CCDC7: variants seen among roughly 807,000 people sequenced by gnomAD.
The protein encoded by CCDC7 is coiled-coil domain containing 7.
CCDC7 carries 183 observed loss-of-function variants against 196.9 expected under a neutral mutation model. That is an observed-to-expected ratio of 0.93 (90% CI 0.82 to 1.05). The LOEUF (loss-of-function observed/expected upper bound fraction) is 1.05, where lower values mean the gene tolerates loss of function less well. Ranked by LOEUF, CCDC7 falls within the 50% of genes least tolerant of loss-of-function variation. The pLI, the probability that CCDC7 is intolerant of heterozygous loss-of-function variation, is 0.00. For synonymous variants in CCDC7, 525 were observed against 484.6 expected, an observed-to-expected ratio of 1.08 and a Z score of -1.10; for missense variants, 1,540 against 1,482.2, an observed-to-expected ratio of 1.04 and a Z score of -0.64.
intron 18 of CCDC7, among the ~76,000 whole-genome samples, chr10:32,601,729 T>G (rs2061033278): frequency 6.6e-6 from 1 of 151,316 alleles, no homozygotes; most frequent in South Asian, 2.1e-4. Flanking sequence ...AACTCACCAA[T>G]CAGCACTTTG....
At chr10:32,701,900 TTC>T (rs2078804226) in intron 24 of CCDC7, among the ~76,000 whole-genome samples, 1 of 152,190 alleles carries the variant, frequency 6.6e-6, no homozygotes, top group Non-Finnish European at 1.5e-5. Context: ...AATTTGATTC[TTC>T]TCTCTTTTCT....
chr10:32,644,549 G>C (rs1024246835), intron 20 of CCDC7, among the ~76,000 whole-genome samples: 1 of 152,162 alleles, frequency 6.6e-6, no homozygotes, highest in Non-Finnish European at 1.5e-5. Flanking sequence ...TATGGCTGGT[G>C]ATATGGTTTG....
chr10:32,680,481 G>A (rs960824321), intron 21 of CCDC7, among the ~76,000 whole-genome samples: 31 of 151,840 alleles, frequency 2.0e-4, no homozygotes, highest in Admixed American at 1.3e-3. Context: ...TGCACAACAT[G>A]CAAGTTTGTT....
chr10:32,606,700 A>G (rs543456355), intron 18 of CCDC7, among the ~76,000 whole-genome samples: 1 of 152,202 alleles, frequency 6.6e-6, no homozygotes, highest in African/African-American at 2.4e-5. Flanking sequence ...CTTTAGGCCA[A>G]CTTCTCCCTT....
intron 28 of CCDC7, among the ~76,000 whole-genome samples, chr10:32,758,975 A>G (rs1032048864): frequency 6.6e-6 from 1 of 152,232 alleles, no homozygotes; most frequent in Admixed American, 6.5e-5. Flanking sequence ...CCAAATCATG[A>G]GTGAACTCCC....
chr10:32,616,578 G>C (rs1050913817), intron 18 of CCDC7, among the ~76,000 whole-genome samples: 1 of 149,880 alleles, frequency 6.7e-6, no homozygotes, highest in African/African-American at 2.4e-5. Context: ...AAGTCTTTAG[G>C]GTTTTCTAGA....
intron 28 of CCDC7, among the ~76,000 whole-genome samples, chr10:32,746,493 G>T (rs892873165): frequency 9.9e-5 from 15 of 152,144 alleles, no homozygotes; most frequent in African/African-American, 3.6e-4. Context: ...ATCCCTCAAG[G>T]CTTGCCATGC....
At chr10:32,597,136 A>T (rs1250569834) in intron 18 of CCDC7, among the ~76,000 whole-genome samples, 1 of 151,966 alleles carries the variant, frequency 6.6e-6, no homozygotes, top group East Asian at 1.9e-4. Context: ...ACTTGGTTCC[A>T]TTCTCCCTGT....
At chr10:32,463,089 T>A (rs2036071877) in intron 5 of CCDC7, 40 bp downstream of exon 6, 2 of 1,607,988 alleles carry the variant, frequency 1.2e-6, no homozygotes, top group African/African-American at 1.3e-5. Flanking sequence ...TAATATTTTT[T>A]AACTCATTTG....
intron 13 of CCDC7, among the ~76,000 whole-genome samples, chr10:32,564,053 C>T (rs1304770232): frequency 6.6e-6 from 1 of 152,104 alleles, no homozygotes; most frequent in Non-Finnish European, 1.5e-5. Context: ...TGAAAAAATG[C>T]TCATCATCAC....
downstream of CCDC7, chr10:32,877,236 C>T (rs978985198): frequency 6.6e-6 from 1 of 151,908 alleles, no homozygotes; most frequent in African/African-American, 2.4e-5. Context: ...GTTAGAAAAA[C>T]TCATGAATTC....
intron 20 of CCDC7, among the ~76,000 whole-genome samples, chr10:32,646,558 A>C (rs2067805840): frequency 6.6e-6 from 1 of 152,178 alleles, no homozygotes; most frequent in Non-Finnish European, 1.5e-5. Flanking sequence ...ATGCAGTTTA[A>C]ATTAAGTGTA....
At chr10:32,657,322 C>A (rs922858871) in intron 20 of CCDC7, among the ~76,000 whole-genome samples, 12 of 152,248 alleles carry the variant, frequency 7.9e-5, no homozygotes, top group African/African-American at 2.7e-4. Context: ...ACTGCCCTAG[C>A]AGAGGTTCTC....
At position 32,787,245 on chromosome 10, in the gene CCDC7, G is replaced by A. The variant is rs555494435; in HGVS notation, c.3013+8161G>A. 1.2e-4 allele frequency among the ~76,000 whole-genome samples: 18 copies of A among 151,540 alleles called. 1 individual carries two copies. The South Asian group carries it at 2.7e-3, about 23-fold the overall frequency. Reference sequence around the variant, plus strand: ...TAGAATAAACTCAGAGATCCACACCGAGACACATTGTAATTCTGTCAAAAA... The same window carrying A: ...TAGAATAAACTCAGAGATCCACACCAAGACACATTGTAATTCTGTCAAAAA... On this transcript the variant is annotated intron_variant, in intron 29 of 41. Coordinates refer to ENST00000639629, the Ensembl canonical transcript of CCDC7.
chr10:32,826,723 A>G (rs552507757), intron 32 of CCDC7, among the ~76,000 whole-genome samples: 1 of 152,240 alleles, frequency 6.6e-6, no homozygotes, highest in Non-Finnish European at 1.5e-5. Context: ...TCTGCATGTT[A>G]TGCAGGCACC....
At chr10:32,479,028 A>G (rs1399675791) in intron 8 of CCDC7, among the ~76,000 whole-genome samples, 1 of 152,134 alleles carries the variant, frequency 6.6e-6, no homozygotes, top group Non-Finnish European at 1.5e-5. Flanking sequence ...GAGTTTTGGT[A>G]GATTGTGAGT....
rs180959774 is a variant in CCDC7 at position 32,683,352 on chromosome 10, G to A, written c.2123-2618G>A. Among the ~76,000 whole-genome samples, 5 of 152,226 alleles carry A rather than the reference G, an allele frequency of 3.3e-5. No individual in the cohort carries two copies. In the East Asian group the frequency reaches 5.8e-4, roughly 18 times the overall value. ...TCTCTAACCCATTTCCTTGGTCTAT[G>A]TGTATGTTTTTATACCACTACCATG... On this transcript the variant is annotated intron_variant, in intron 21 of 41. Coordinates refer to ENST00000639629, the Ensembl canonical transcript of CCDC7.
chr10:32,591,511 T>C (rs1198839146), intron 18 of CCDC7, among the ~76,000 whole-genome samples: 1 of 152,130 alleles, frequency 6.6e-6, no homozygotes, highest in East Asian at 1.9e-4. Flanking sequence ...TTTTTTTGTT[T>C]GTTTGTTTGT....
At position 32,452,666 on chromosome 10, in the gene CCDC7, C is replaced by T. The variant is rs141189609; in HGVS notation, c.280-678C>T. Among the ~76,000 whole-genome samples, 761 of 152,148 alleles carry T rather than the reference C, an allele frequency of 5.0e-3. 6 individuals are homozygous for T. The highest frequency in any genetic ancestry group is 0.017 in the African/African-American group (724 of 41,498). On this transcript the variant is annotated intron_variant, in intron 1 of 41. Transcript: ENST00000639629. ...AGAGATGGGGTTTCACCATACTGGT[C>T]AGGCTGGTCTTAAACTCTTGACCTC... is the stretch of plus-strand genomic sequence containing the variant.
Sources: allele counts gnomAD v4.1 joint callset (sites outside exome capture counted in the v4.1 genomes callset), GRCh38; gene constraint gnomAD v4.1.1; transcripts MANE v1.5; gene names NCBI Gene and HGNC (gene_info 2026-07-23, HGNC 2026-07-21).